Variants in MED14 observed in about 807,000 individuals in gnomAD.
MED14 encodes mediator of RNA polymerase II transcription subunit 14.
Under a neutral mutation model 109.0 loss-of-function variants are expected in MED14, and 8 were observed. The observed-to-expected ratio is 0.07, with a 90% confidence interval of 0.04 to 0.13. MED14 has a LOEUF of 0.13. Ranked by LOEUF, MED14 falls within the 10% of genes least tolerant of loss-of-function variation. MED14 has a pLI of 1.00. For missense variants in MED14, 711 were observed against 1,142.4 expected (o/e 0.62, Z 5.44); for synonymous variants, 399 against 408.7 (o/e 0.98, Z 0.29).
chrX:40,709,753 T>A (rs1356382704), intron 9 of MED14, among the ~76,000 whole-genome samples: 1 of 111,802 alleles, frequency 8.9e-6, no homozygotes, highest in South Asian at 3.6e-4. Context: ...TAAAATGGTA[T>A]CTGATCTAAA....
In MED14 at chrX:40,651,708, T is replaced by TAA; in HGVS notation, c.*96_*97dup. On this transcript the variant is annotated 3_prime_UTR_variant, in exon 31 of 31. Coordinates refer to ENST00000324817, the MANE Select transcript of MED14 (RefSeq NM_004229.4). ...TTTAGAATATTTAGCTCTTAAAGTT[T>TAA]AAAAAAAAAGTCCTTTTCCTTTTTT... 1 of 1,071,153 alleles carries TAA rather than the reference T, an allele frequency of 9.3e-7. No homozygotes were observed. Among genetic ancestry groups the TAA allele is most frequent in the Non-Finnish European group, 1.2e-6 (1 of 827,353 alleles). 88.3% of individuals were successfully genotyped at this position (1,071,153 alleles called of 1,213,427 possible).
chrX:40,726,498 T>C (rs1384220514), intron 3 of MED14: 8 of 244,830 alleles, frequency 3.3e-5, no homozygotes, highest in Non-Finnish European at 5.8e-5. Context: ...TTTTCCCCCT[T>C]TAGTTCCAGT....
Position 40,710,066 on chromosome X carries a change from A to G in MED14, c.1086T>C (p.Asp362=). ...ASVHKVTIKI[D]ENDVSKPLQI... ...GTAAAGGCTTGGAGACATCATTCTC[A>G]TCAATTTTAATTGTAACTTTGTGAA... Residue 362 remains aspartate, a synonymous_variant, in exon 9 of 31, where the codon GAT becomes GAC. Coordinates refer to ENST00000324817, the MANE Select transcript of MED14 (RefSeq NM_004229.4). The G allele has an allele frequency of 8.5e-7, 1 of 1,183,426 alleles. No homozygotes were observed. Among genetic ancestry groups the G allele is most frequent in the Non-Finnish European group, 1.1e-6 (1 of 875,774 alleles).
intron 4 of MED14, among the ~76,000 whole-genome samples, chrX:40,714,281 C>G (rs1300605497): frequency 8.9e-6 from 1 of 111,753 alleles, no homozygotes; most frequent in East Asian, 2.8e-4. Flanking sequence ...ATTTTCACAT[C>G]TGAAATAGAT....
rs1215903780 is a variant in MED14, at chrX:40,649,024, A to G, written c.*2782T>C. 1 of 112,642 alleles carries G rather than the reference A, an allele frequency of 8.9e-6. No individual in the cohort carries two copies. The highest frequency in any genetic ancestry group is 1.9e-5 in the Non-Finnish European group (1 of 53,354). 9.3% of individuals were successfully genotyped at this position (112,642 alleles called of 1,213,427 possible). On this transcript the variant is annotated 3_prime_UTR_variant, in exon 31 of 31. Coordinates refer to ENST00000324817, the MANE Select transcript of MED14 (RefSeq NM_004229.4). ...ATTTTCTGTATACTGATTTTATATC[A>G]AGAACACTTGGATGATAAATAAACA... is the stretch of plus-strand genomic sequence containing the variant.
At position 40,700,225 on chromosome X, in the gene MED14, A is replaced by G. The variant is rs769177295; in HGVS notation, c.1490+940T>C. On this transcript the variant is annotated intron_variant, in intron 12 of 30. Coordinates refer to ENST00000324817, the MANE Select transcript of MED14 (RefSeq NM_004229.4). ...ACAAAAATTGGCTGGGCATGGTAGT[A>G]TGCACCTGTGGTCCCAGCTACTTAG... Among the ~76,000 whole-genome samples the G allele has an allele frequency of 2.7e-3, 288 of 108,429 alleles. 2 individuals carry two copies. Among genetic ancestry groups the G allele is most frequent in the African/African-American group, 9.2e-3 (273 of 29,785 alleles). 94.2% of individuals were successfully genotyped at this position (108,429 alleles called of 115,157 possible). A position where few individuals can be genotyped will look rare whatever the true frequency, so the allele number is the denominator to read the frequency against.
chrX:40,677,057 C>G (rs1466394956), intron 21 of MED14, among the ~76,000 whole-genome samples: 2 of 111,889 alleles, frequency 1.8e-5, no homozygotes, highest in Admixed American at 1.9e-4. Flanking sequence ...CTCTGCTATT[C>G]TCACTGAGCT....
chrX:40,650,038 A>C lies in MED14; in HGVS notation c.*1768T>G. On this transcript the variant is annotated 3_prime_UTR_variant, in exon 31 of 31. Transcript: ENST00000324817. Reference sequence around the variant, plus strand: ...AATATTATCCTGCAGATAAAAATACATTTCTTGTATATACATGTAGATTTC... The same window carrying C: ...AATATTATCCTGCAGATAAAAATACCTTTCTTGTATATACATGTAGATTTC... 1 of 744,469 alleles carries C rather than the reference A, an allele frequency of 1.3e-6. No individual in the cohort carries two copies. The highest frequency in any genetic ancestry group is 1.6e-6 in the Non-Finnish European group (1 of 630,066). 61.4% of individuals were successfully genotyped at this position (744,469 alleles called of 1,213,427 possible).
At chrX:40,682,253 G>A (rs1287058410) in intron 18 of MED14, among the ~76,000 whole-genome samples, 2 of 111,555 alleles carry the variant, frequency 1.8e-5, no homozygotes, top group African/African-American at 6.5e-5. Flanking sequence ...GTTTTCTTCT[G>A]TAAAATGAGG....
intron 1 of MED14, among the ~76,000 whole-genome samples, chrX:40,734,760 A>T (rs1228949285): frequency 2.7e-5 from 3 of 112,864 alleles, no homozygotes; most frequent in Non-Finnish European, 5.6e-5. Context: ...TTTGAATTCA[A>T]ATTTGTATTT....
rs544581828 is a variant in MED14 at position 40,707,107 on chromosome X, G to GGATAGATA, written c.1285+2233_1285+2240dup. Among the ~76,000 whole-genome samples the GGATAGATA allele has an allele frequency of 7.8e-3, 795 of 101,311 alleles. 3 individuals carry two copies. Among genetic ancestry groups the GGATAGATA allele is most frequent in the East Asian group, 0.012 (39 of 3,233 alleles). The allele number at this position is 101,311 out of a possible 115,157, so 88.0% of individuals were successfully genotyped here. ...ATGGACTTAAAATAGATACATAGAT[G>GGATAGATA]GATAGATAGATAGATAGATAGATAG... On this transcript the variant is annotated intron_variant, in intron 10 of 30. Coordinates refer to ENST00000324817, the MANE Select transcript of MED14 (RefSeq NM_004229.4).
At chrX:40,726,980 CTAAAA>C in intron 2 of MED14, 129 bp from the exon 3 acceptor site, 2 of 515,476 alleles carry the variant, frequency 3.9e-6, no homozygotes, top group Non-Finnish European at 6.3e-6. Flanking sequence ...AATGAGCCAC[CTAAAA>C]TATTTATCTA....
Position 40,709,359 on chromosome X carries a change from G to A in MED14, c.1274C>T (p.Ala425Val). 2 of 1,061,641 alleles carry A rather than the reference G, an allele frequency of 1.9e-6. No homozygotes were observed. Among genetic ancestry groups the A allele is most frequent in the Non-Finnish European group, 2.5e-6 (2 of 791,558 alleles). The allele number at this position is 1,061,641 out of a possible 1,213,427, so 87.5% of individuals were successfully genotyped here. The change falls in exon 10 of 31, where the codon GCC (alanine) becomes GTC (valine). Residue 425 changes from alanine (A) to valine (V), a missense_variant. Ala to Val is a moderately conservative substitution (Grantham distance 64, BLOSUM62 0). Coordinates refer to ENST00000324817, the MANE Select transcript of MED14 (RefSeq NM_004229.4). ...TTAAAAGAACCTACAGTTTTCATTG[G>A]CATTGAAGCCTCTAAGAATGGCCTT... ...ELKAILRGFN[A>V]NENSSIETAL...
upstream of MED14, chrX:40,735,577 T>C (rs917274977): frequency 1.8e-6 from 1 of 545,677 alleles, no homozygotes; most frequent in Non-Finnish European, 3.1e-6. Flanking sequence ...CCCGCCCCCA[T>C]GTAGCGAGAA....
At chrX:40,659,685 GA>G in intron 26 of MED14, 78 bp from the exon 27 acceptor site, 2 of 997,138 alleles carry the variant, frequency 2.0e-6, no homozygotes, top group Non-Finnish European at 2.7e-6. Flanking sequence ...GTTCCAAAAG[GA>G]AAACCACTAA....
intron 1 of MED14, among the ~76,000 whole-genome samples, chrX:40,733,096 T>C (rs918819291): frequency 9.1e-6 from 1 of 109,565 alleles, no homozygotes; most frequent in African/African-American, 3.3e-5. Flanking sequence ...ACTATACAGA[T>C]GATTATCAAT....
At chrX:40,714,832 A>G (rs1931457807) in intron 3 of MED14, 122 bp from the exon 4 acceptor site, 1 of 617,223 alleles carries the variant, frequency 1.6e-6, no homozygotes, top group Non-Finnish European at 2.4e-6. Context: ...TCCATATTTC[A>G]AAGTAGTTCT....
intron 10 of MED14, among the ~76,000 whole-genome samples, chrX:40,706,269 G>C (rs1242447096): frequency 8.9e-6 from 1 of 111,800 alleles, no homozygotes; most frequent in Non-Finnish European, 1.9e-5. Flanking sequence ...TAAAGAACAA[G>C]TTAAAGCACA....
chrX:40,706,004 C>G (rs774793771), intron 10 of MED14, among the ~76,000 whole-genome samples: 184 of 111,510 alleles, frequency 1.7e-3, no homozygotes, highest in Non-Finnish European at 2.4e-3. Context: ...CTGAGCTGCT[C>G]AAAACCTGAA....
Sources: allele counts gnomAD v4.1 joint callset (sites outside exome capture counted in the v4.1 genomes callset), GRCh38; gene constraint gnomAD v4.1.1; transcripts MANE v1.5; gene names NCBI Gene and HGNC (gene_info 2026-07-23, HGNC 2026-07-21).